GPRC6A: variants seen among roughly 807,000 people sequenced by gnomAD.
GPRC6A encodes the protein G protein-coupled receptor class C group 6 member A.
GPRC6A carries 54 observed loss-of-function variants against 47.0 expected under a neutral mutation model. That is an observed-to-expected ratio of 1.15 (90% confidence interval 0.92 to 1.44). The LOEUF (loss-of-function observed/expected upper bound fraction) is 1.44, where lower values mean the gene tolerates loss of function less well. Ranked by LOEUF, GPRC6A falls within the 40% of genes most tolerant of loss-of-function variation. The probability of loss-of-function intolerance (pLI) is 0.00; values close to 1 mark genes in which losing one functional copy is unlikely to be tolerated. For synonymous variants in GPRC6A, 347 were observed against 377.1 expected (o/e 0.92, Z 0.93); for missense variants, 1,112 against 1,105.5 (o/e 1.01, Z -0.08).
rs1050242230 is a variant in GPRC6A at position 116,812,156 on chromosome 6, A to G, written c.195-2539T>C. ...TTTAGTCACCTCTAAAGGAAATCCC[A>G]TTATACTAACAGAGGATATCTCAGC... On this transcript the variant is annotated intron_variant, in intron 1 of 5. Transcript: ENST00000310357. 2.0e-5 allele frequency among the ~76,000 whole-genome samples: 3 copies of G among 152,196 alleles called. No homozygotes were observed. In the East Asian group the frequency reaches 5.8e-4, roughly 29 times the overall value.
chr6:116,821,448 G>A (rs941753261), intron 1 of GPRC6A, among the ~76,000 whole-genome samples: 3 of 152,164 alleles, frequency 2.0e-5, no homozygotes, highest in African/African-American at 4.8e-5. Context: ...CACGCTACCT[G>A]ACTTCAAACT....
chr6:116,796,761 C>A (rs1272927269), intron 4 of GPRC6A, among the ~76,000 whole-genome samples: 1 of 152,140 alleles, frequency 6.6e-6, no homozygotes, highest in African/African-American at 2.4e-5. Flanking sequence ...TTCTTCTCTC[C>A]AGTTATTGCT....
chr6:116,818,458 CG>C (rs1233140573), intron 1 of GPRC6A, among the ~76,000 whole-genome samples: 2 of 124,916 alleles, frequency 1.6e-5, no homozygotes, highest in East Asian at 2.4e-4. Flanking sequence ...GGCGTGAACC[CG>C]GGAGGCGGAG....
Position 116,806,720 on chromosome 6 carries a change from T to G in GPRC6A, c.985A>C (p.Arg329=), listed in dbSNP as rs1391485959. 8.7e-6 allele frequency: 14 copies of G among 1,613,344 alleles called. No individual in the cohort carries two copies. Among genetic ancestry groups the G allele is most frequent in the Non-Finnish European group, 1.2e-5 (14 of 1,179,618 alleles). ...KIGKVVGFAF[R]RGNISSFHSF... is the part of the protein sequence containing the mutation. ...TGGAAAGAGGATATATTCCCTCTTC[T>G]AAAGGCAAACCCTACAACTTTGCCA... The change falls in exon 3 of 6, where the codon AGA becomes CGA. Residue 329 remains arginine (R), a synonymous_variant. Coordinates refer to ENST00000310357, the MANE Select transcript of GPRC6A (RefSeq NM_148963.4).
intron 1 of GPRC6A, among the ~76,000 whole-genome samples, chr6:116,821,004 A>C (rs945741313): frequency 2.0e-5 from 3 of 151,826 alleles, no homozygotes; most frequent in African/African-American, 7.3e-5. Flanking sequence ...AAGCAACTTC[A>C]GCAAAGTCTC....
chr6:116,818,061 C>A (rs547577823), intron 1 of GPRC6A, among the ~76,000 whole-genome samples: 1 of 152,194 alleles, frequency 6.6e-6, no homozygotes, highest in African/African-American at 2.4e-5. Context: ...AGAAGAGCAA[C>A]TCCAAGACAT....
At chr6:116,824,641 G>T (rs903931949) in intron 1 of GPRC6A, among the ~76,000 whole-genome samples, 2 of 151,904 alleles carry the variant, frequency 1.3e-5, no homozygotes, top group Admixed American at 6.6e-5. Flanking sequence ...CAGATGGATT[G>T]CTGCTGAATT....
At position 116,823,219 on chromosome 6, in the gene GPRC6A, A is replaced by G. The variant is rs551881693; in HGVS notation, c.194+5601T>C. On this transcript the variant is annotated intron_variant, in intron 1 of 5. Transcript: ENST00000310357. ...TTACATCATTTCCTTGCTCACACAT[A>G]TGAGCTAGGCTATTAAAAGCAGCCA... Among the ~76,000 whole-genome samples the G allele has an allele frequency of 7.3e-4, 111 of 152,190 alleles. 1 individual carries two copies. In the South Asian group the frequency reaches 0.023, roughly 32 times the overall value.
At chr6:116,817,987 T>A (rs1380816087) in intron 1 of GPRC6A, among the ~76,000 whole-genome samples, 2 of 152,062 alleles carry the variant, frequency 1.3e-5, no homozygotes, top group Non-Finnish European at 2.9e-5. Context: ...ACTTCCCCAA[T>A]CTAGCAAGGC....
intron 1 of GPRC6A, among the ~76,000 whole-genome samples, chr6:116,822,131 C>G (rs1204955401): frequency 7.0e-6 from 1 of 143,834 alleles, no homozygotes; most frequent in East Asian, 2.0e-4. Flanking sequence ...CACTGGCCAT[C>G]AGAGAAATGC....
chr6:116,793,724 C>T (rs536074568), intron 5 of GPRC6A, among the ~76,000 whole-genome samples: 22 of 152,190 alleles, frequency 1.4e-4, no homozygotes, highest in African/African-American at 5.1e-4. Context: ...AAGACTCTGC[C>T]GTATTGTGAT....
intron 1 of GPRC6A, among the ~76,000 whole-genome samples, chr6:116,813,291 C>T (rs1318935773): frequency 6.6e-6 from 1 of 152,160 alleles, no homozygotes; most frequent in East Asian, 1.9e-4. Context: ...AAAGAGCCCA[C>T]ATTGCCAAGA....
At chr6:116,821,557 A>G (rs1773481083) in intron 1 of GPRC6A, among the ~76,000 whole-genome samples, 1 of 152,284 alleles carries the variant, frequency 6.6e-6, no homozygotes, top group Admixed American at 6.5e-5. Flanking sequence ...ATAACGTCAC[A>G]TATCTACAAC....
At position 116,818,605 on chromosome 6, in the gene GPRC6A, CT is replaced by C. The variant is rs1402846024; in HGVS notation, c.195-8989del. Among the ~76,000 whole-genome samples, 145 of 98,460 alleles carry C rather than the reference CT, an allele frequency of 1.5e-3. 1 individual carries two copies. The highest frequency in any genetic ancestry group is 5.0e-3 in the African/African-American group (134 of 27,004). The allele number at this position is 98,460 out of a possible 152,430, so 64.6% of individuals were successfully genotyped here. ...ACCCAGAATTTCATATCCAGCCAAACTAAGCTTCATAAGCAAAGGAGAAATA... is the reference window on the plus strand; with the variant it reads ...ACCCAGAATTTCATATCCAGCCAAACAAGCTTCATAAGCAAAGGAGAAATA... On this transcript the variant is annotated intron_variant, in intron 1 of 5. Coordinates refer to ENST00000310357, the MANE Select transcript of GPRC6A (RefSeq NM_148963.4).
intron 1 of GPRC6A, among the ~76,000 whole-genome samples, chr6:116,812,134 A>G (rs1562484248): frequency 6.6e-6 from 1 of 152,188 alleles, no homozygotes; most frequent in African/African-American, 2.4e-5. Context: ...AAAAGAATTT[A>G]GTCACCTCTA....
chr6:116,816,927 G>A (rs1357711561), intron 1 of GPRC6A, among the ~76,000 whole-genome samples: 2 of 152,230 alleles, frequency 1.3e-5, no homozygotes, highest in Admixed American at 6.5e-5. Context: ...AGCAGTCTGA[G>A]ATCAAACTGC....
intron 1 of GPRC6A, among the ~76,000 whole-genome samples, chr6:116,820,390 G>T (rs1316627007): frequency 3.3e-5 from 5 of 152,016 alleles, no homozygotes; most frequent in Admixed American, 3.3e-4. Flanking sequence ...CCAAAGCTGG[G>T]CAGAGACACA....
At chr6:116,812,715 T>G (rs576908322) in intron 1 of GPRC6A, among the ~76,000 whole-genome samples, 4 of 152,158 alleles carry the variant, frequency 2.6e-5, no homozygotes, top group Non-Finnish European at 5.9e-5. Flanking sequence ...GGATGCCCTC[T>G]CTCACCACTC....
chr6:116,818,803 C>T (rs773707975), intron 1 of GPRC6A, among the ~76,000 whole-genome samples: 25 of 150,814 alleles, frequency 1.7e-4, no homozygotes, highest in Admixed American at 2.6e-4. Flanking sequence ...CATCAACTAA[C>T]GAACAAAATA....
Sources: allele counts gnomAD v4.1 joint callset (sites outside exome capture counted in the v4.1 genomes callset), GRCh38; gene constraint gnomAD v4.1.1; transcripts MANE v1.5; gene names NCBI Gene and HGNC (gene_info 2026-07-23, HGNC 2026-07-21).